CROCC2: variants seen among roughly 807,000 people sequenced by gnomAD.
CROCC2 encodes ciliary rootlet coiled-coil protein 2.
A neutral mutation model predicts 177.6 loss-of-function variants in CROCC2; 163 were observed. The ratio of observed to expected loss-of-function variants is 0.92; its 90% CI spans 0.81 to 1.05. The LOEUF is 1.05. Among genes scored for constraint, CROCC2 ranks in the 50% least tolerant of loss-of-function variants. CROCC2 has a pLI of 0.00. For missense variants in CROCC2, 1,929 were observed against 1,797.8 expected (o/e 1.07, Z -1.32); for synonymous variants, 904 against 787.3 (o/e 1.15, Z -2.48).
intron 20 of CROCC2, 138 bp from the exon 21 acceptor site, chr2:240,963,418 G>T: frequency 2.3e-6 from 2 of 875,160 alleles, no homozygotes; most frequent in Non-Finnish European, 3.4e-6. Flanking sequence ...TGGCTCCATG[G>T]GGTGAGCAAA....
Position 240,925,788 on chromosome 2 carries a change from A to C in CROCC2, c.553A>C (p.Asn185His), listed in dbSNP as rs1350134752. The C allele has an allele frequency of 1.4e-6, 1 of 717,052 alleles. No homozygotes were observed. Among genetic ancestry groups the C allele is most frequent in the Admixed American group, 2.0e-5 (1 of 50,020 alleles). The allele number at this position is 717,052 out of a possible 1,614,324, so 44.4% of individuals were successfully genotyped here. Reference sequence around the variant, plus strand: ...GCAGCTGGAACATATGAAGAAGGCCAATGACGCGCTGGGCCGGGAGCTGGC... The same window carrying C: ...GCAGCTGGAACATATGAAGAAGGCCCATGACGCGCTGGGCCGGGAGCTGGC... ...REQLEHMKKA[N>H]DALGRELAGM... The change falls in exon 5 of 32, where the codon AAT becomes CAT. Residue 185 changes from asparagine to histidine, a missense_variant. By Grantham distance (68) the Asn-to-His change is moderately conservative. Around this residue, in one of 3 missense-constraint regions of CROCC2, gnomAD observed 1,397 missense variants for 1,239.9 expected, o/e 1.13. Transcript: ENST00000690015.
chr2:240,914,314 G>C (rs73006033), intron 1 of CROCC2, among the ~76,000 whole-genome samples: 2,454 of 152,342 alleles, frequency 0.016, 37 homozygotes, highest in Non-Finnish European at 0.028. Flanking sequence ...CATTAAGGCG[G>C]AGGCCAGAAG....
chr2:240,935,317 A>T (rs2059461307), intron 13 of CROCC2, 41 bp from the exon 14 acceptor site: 8 of 1,327,982 alleles, frequency 6.0e-6, no homozygotes, highest in Non-Finnish European at 7.7e-6. Flanking sequence ...GGGACCGAGG[A>T]TGGGGGGAGT....
chr2:240,956,905 G>C (rs918803509), intron 19 of CROCC2, among the ~76,000 whole-genome samples: 1 of 152,160 alleles, frequency 6.6e-6, no homozygotes, highest in Non-Finnish European at 1.5e-5. Flanking sequence ...CATAGATGGG[G>C]GCCTGGCTCA....
chr2:240,939,605 A>C (rs1369975054), intron 14 of CROCC2, among the ~76,000 whole-genome samples: 7 of 152,170 alleles, frequency 4.6e-5, no homozygotes, highest in Non-Finnish European at 1.5e-5. Flanking sequence ...TAATGAAATA[A>C]TGTGAGTCTG....
rs2059566322 is a variant in CROCC2 at position 240,953,016 on chromosome 2, C to A, written c.2829+2506C>A. 6.6e-6 allele frequency among the ~76,000 whole-genome samples: 1 copy of A among 152,146 alleles called. No individual in the cohort carries two copies. The highest frequency in any genetic ancestry group is 1.5e-5 in the Non-Finnish European group (1 of 68,034). On this transcript the variant is annotated intron_variant, in intron 18 of 31. Transcript: ENST00000690015. The surrounding 1 kb of genome is among the most constrained non-coding windows in gnomAD (Gnocchi z 4.0). Reference sequence around the variant, plus strand: ...CAAGGCCCCCACGCAGCCCCTCATTCCCATCCGAGACCAACCACTGGGCAA... The same window carrying A: ...CAAGGCCCCCACGCAGCCCCTCATTACCATCCGAGACCAACCACTGGGCAA...
chr2:240,930,970 C>CCGCCGCCTGCA lies in CROCC2; in HGVS notation c.791_801dup (p.Thr268AlafsTer8). 1.4e-6 allele frequency: 1 copy of CCGCCGCCTGCA among 715,250 alleles called. No individual in the cohort carries two copies. The highest frequency in any genetic ancestry group is 1.5e-5 in the South Asian group (1 of 67,528). 44.3% of individuals were successfully genotyped at this position (715,250 alleles called of 1,614,324 possible). ...TGCAGGCAGACACGGCCAGGACAGC[C>CCGCCGCCTGCA]CGCCGCCTGCACACCGCCTGCCTGA... On this transcript the variant is annotated frameshift_variant, in exon 7 of 32. Coordinates refer to ENST00000690015, the MANE Select transcript of CROCC2 (RefSeq NM_001351305.2). LOFTEE classifies it high-confidence loss of function.
intron 20 of CROCC2, among the ~76,000 whole-genome samples, chr2:240,961,971 G>A (rs1370315211): frequency 1.4e-5 from 2 of 147,704 alleles, no homozygotes; most frequent in Non-Finnish European, 1.5e-5. Flanking sequence ...ACCACGTACA[G>A]AGAGGACACT....
chr2:240,921,559 T>A (rs1415502285), intron 3 of CROCC2, among the ~76,000 whole-genome samples: 1 of 152,132 alleles, frequency 6.6e-6, no homozygotes, highest in African/African-American at 2.4e-5. Flanking sequence ...AGATCCAAAC[T>A]CGCCAGCAGC....
chr2:240,959,171 C>A, intron 19 of CROCC2, 130 bp from the exon 20 acceptor site: 1 of 1,101,092 alleles, frequency 9.1e-7, no homozygotes, highest in Non-Finnish European at 1.2e-6. Flanking sequence ...GGGGCTTGCA[C>A]GATCAGCAGG....
chr2:240,983,367 C>T (rs1017096780), intron 28 of CROCC2: 40 of 1,294,988 alleles, frequency 3.1e-5, no homozygotes, highest in Middle Eastern at 4.2e-4. Flanking sequence ...GGAACGACCC[C>T]GCTCTCAGAA....
intron 19 of CROCC2, 145 bp from the exon 20 acceptor site, chr2:240,959,156 A>C: frequency 5.8e-5 from 49 of 850,462 alleles, no homozygotes; most frequent in Non-Finnish European, 7.4e-5. Context: ...AGGGCCAGTT[A>C]CCCCGGGGCT....
chr2:240,914,867 G>C (rs6730464), intron 1 of CROCC2, among the ~76,000 whole-genome samples: 2 of 152,094 alleles, frequency 1.3e-5, no homozygotes, highest in South Asian at 2.1e-4. Context: ...CCCTGCTTCA[G>C]ATGGCTTTGA....
rs1400822773 is a variant in CROCC2 at position 240,917,377 on chromosome 2, C to T, written c.79-1349C>T. On this transcript the variant is annotated intron_variant, in intron 1 of 31. Coordinates refer to ENST00000690015, the MANE Select transcript of CROCC2 (RefSeq NM_001351305.2). This position sits in a 1 kb window ranked among gnomAD's most constrained non-coding sequence, Gnocchi z 4.9. Reference sequence around the variant, plus strand: ...GCATCCGGGATAGCCAGACAGCATGCACCAGGTGCAGGAGGCCTGGCTGGG... The same window carrying T: ...GCATCCGGGATAGCCAGACAGCATGTACCAGGTGCAGGAGGCCTGGCTGGG... Among the ~76,000 whole-genome samples, 2 of 152,150 alleles carry T rather than the reference C, an allele frequency of 1.3e-5. No individual in the cohort carries two copies. Among genetic ancestry groups the T allele is most frequent in the African/African-American group, 2.4e-5 (1 of 41,436 alleles).
At chr2:240,991,654 G>T (rs2059880446) in intron 31 of CROCC2, among the ~76,000 whole-genome samples, 1 of 152,136 alleles carries the variant, frequency 6.6e-6, no homozygotes, top group African/African-American at 2.4e-5. Context: ...AGAGAGCAGG[G>T]GCTTGGGCAT....
At chr2:240,975,586 G>A (rs1173472271) in intron 27 of CROCC2, among the ~76,000 whole-genome samples, 15 of 152,166 alleles carry the variant, frequency 9.9e-5, no homozygotes, top group Admixed American at 2.0e-4. Flanking sequence ...CCGGCAGGAC[G>A]CTTAACGAGG....
chr2:240,957,959 A>T (rs2059604110), intron 19 of CROCC2: 10 of 985,092 alleles, frequency 1.0e-5, no homozygotes, highest in Non-Finnish European at 1.2e-5. Context: ...TGGCTCACAG[A>T]GGGGCCTTCT....
At chr2:240,955,623 C>A (rs894517425) in intron 18 of CROCC2, 1 of 501,542 alleles carries the variant, frequency 2.0e-6, no homozygotes, top group East Asian at 3.1e-5. Context: ...AGAGGTGGGA[C>A]GATGTCGGAC....
At chr2:240,954,087 A>G (rs2059573973) in intron 18 of CROCC2, among the ~76,000 whole-genome samples, 1 of 152,218 alleles carries the variant, frequency 6.6e-6, no homozygotes, top group Admixed American at 6.5e-5. Flanking sequence ...CAAAACAAGC[A>G]GGGCCTCAAG....
Sources: allele counts gnomAD v4.1 joint callset (sites outside exome capture counted in the v4.1 genomes callset), GRCh38; gene constraint gnomAD v4.1.1; regional missense constraint gnomAD v4.1.1; non-coding constraint Gnocchi (gnomAD v3.1); transcripts MANE v1.5; gene names NCBI Gene and HGNC (gene_info 2026-07-23, HGNC 2026-07-21).